Variants in GPC5 observed in about 807,000 individuals in gnomAD.
GPC5 encodes glypican 5.
A neutral mutation model predicts 53.9 loss-of-function variants in GPC5; 47 were observed. The ratio of observed to expected loss-of-function variants is 0.87; its 90% CI spans 0.69 to 1.11. The LOEUF (loss-of-function observed/expected upper bound fraction) is 1.11. GPC5 is among the 50% of genes most tolerant of loss of function. The pLI, the probability that GPC5 is intolerant of heterozygous loss-of-function variation, is 0.00. For missense variants in GPC5, 748 were observed against 713.1 expected, an observed-to-expected ratio of 1.05 and a Z score of -0.56; for synonymous variants, 286 against 263.3, an observed-to-expected ratio of 1.09 and a Z score of -0.84.
intron 7 of GPC5, among the ~76,000 whole-genome samples, chr13:92,402,609 G>A (rs972477337): frequency 8.5e-5 from 13 of 152,310 alleles, no homozygotes; most frequent in African/African-American, 3.1e-4. Flanking sequence ...ATCAGGCATG[G>A]AACATGCAGC....
intron 7 of GPC5, among the ~76,000 whole-genome samples, chr13:92,154,887 C>A (rs1264693184): frequency 6.6e-6 from 1 of 152,192 alleles, no homozygotes; most frequent in East Asian, 1.9e-4. Context: ...CTTTATTCCA[C>A]ATTAAATATA....
intron 7 of GPC5, among the ~76,000 whole-genome samples, chr13:92,188,567 G>C (rs16931): frequency 0.021 from 3,215 of 152,188 alleles, 47 homozygotes; most frequent in Middle Eastern, 0.044. Flanking sequence ...AGTAAGACCA[G>C]ATAAAAATAC....
chr13:91,597,058 A>C (rs1294553548), intron 2 of GPC5, among the ~76,000 whole-genome samples: 1 of 152,170 alleles, frequency 6.6e-6, no homozygotes, highest in Non-Finnish European at 1.5e-5. Flanking sequence ...TGCCCACTGC[A>C]AGGCCTGGAA....
chr13:92,728,304 A>G (rs1214475354), intron 7 of GPC5, among the ~76,000 whole-genome samples: 2 of 151,446 alleles, frequency 1.3e-5, no homozygotes, highest in African/African-American at 4.8e-5. Flanking sequence ...TAATGTGCTT[A>G]TATCTTGCTT....
chr13:92,453,741 G>C (rs911789621), intron 7 of GPC5, among the ~76,000 whole-genome samples: 1 of 152,148 alleles, frequency 6.6e-6, no homozygotes, highest in Non-Finnish European at 1.5e-5. Flanking sequence ...GCATCAGAAA[G>C]GATGGCAAGG....
At chr13:91,549,903 G>T (rs1211181551) in intron 2 of GPC5, among the ~76,000 whole-genome samples, 1 of 152,086 alleles carries the variant, frequency 6.6e-6, no homozygotes, top group African/African-American at 2.4e-5. Flanking sequence ...CATACTCCCT[G>T]CTTTTACCCA....
At chr13:92,723,470 T>G (rs1389537026) in intron 7 of GPC5, among the ~76,000 whole-genome samples, 1 of 150,712 alleles carries the variant, frequency 6.6e-6, no homozygotes, top group Admixed American at 6.7e-5. Context: ...ATGGCCATGT[T>G]TGACTTTAAC....
chr13:92,014,135 C>T (rs182734145), intron 6 of GPC5, among the ~76,000 whole-genome samples: 39 of 152,252 alleles, frequency 2.6e-4, no homozygotes, highest in African/African-American at 8.9e-4. Flanking sequence ...TTCTGACTTG[C>T]CTTTATCTAC....
chr13:91,708,064 G>C (rs1566626488), intron 3 of GPC5, among the ~76,000 whole-genome samples: 1 of 152,082 alleles, frequency 6.6e-6, no homozygotes, highest in Non-Finnish European at 1.5e-5. Flanking sequence ...GTATATAGCT[G>C]AGCAGACAGG....
rs944198713 is a variant in GPC5 at position 92,704,688 on chromosome 13, C to T, written c.1562-161594C>T. Reference sequence around the variant, plus strand: ...GGAAATCCACTTATGGAAGAATTTACCTATGCATTTTTTAATACTAAGAAG... The same window carrying T: ...GGAAATCCACTTATGGAAGAATTTATCTATGCATTTTTTAATACTAAGAAG... On this transcript the variant is annotated intron_variant, in intron 7 of 7. Transcript: ENST00000377067. 3.3e-5 allele frequency among the ~76,000 whole-genome samples: 5 copies of T among 151,666 alleles called. No homozygotes were observed. The South Asian group carries it at 6.2e-4, about 19-fold the overall frequency.
chr13:92,303,741 AATG>A (rs2043091225), intron 7 of GPC5, among the ~76,000 whole-genome samples: 2 of 152,340 alleles, frequency 1.3e-5, no homozygotes, highest in African/African-American at 2.4e-5. Context: ...TCAGAAAGCA[AATG>A]ATGAAGAAAT....
chr13:91,818,699 G>A (rs775781521), intron 5 of GPC5, among the ~76,000 whole-genome samples: 1 of 152,140 alleles, frequency 6.6e-6, no homozygotes, highest in Non-Finnish European at 1.5e-5. Context: ...AAACAAAACC[G>A]GGGAAGATGT....
intron 2 of GPC5, among the ~76,000 whole-genome samples, chr13:91,650,625 T>G (rs1294974991): frequency 1.3e-5 from 2 of 152,090 alleles, no homozygotes; most frequent in African/African-American, 4.8e-5. Flanking sequence ...TTTTCAACCT[T>G]TACTTAATTA....
intron 7 of GPC5, among the ~76,000 whole-genome samples, chr13:92,861,558 G>A (rs553391678): frequency 3.3e-5 from 5 of 152,106 alleles, no homozygotes; most frequent in Admixed American, 3.3e-4. Flanking sequence ...TTCTCTACAG[G>A]AACATTTGTA....
chr13:92,091,023 G>C (rs7992479), intron 6 of GPC5, among the ~76,000 whole-genome samples: 6 of 151,962 alleles, frequency 3.9e-5, no homozygotes, highest in Non-Finnish European at 8.8e-5. Context: ...CAGCTTTCAC[G>C]AGGGACTGAA....
At chr13:92,654,640 T>A (rs2139172065) in intron 7 of GPC5, among the ~76,000 whole-genome samples, 1 of 152,322 alleles carries the variant, frequency 6.6e-6, no homozygotes, top group African/African-American at 2.4e-5. Context: ...TTGTCACTTT[T>A]TTGTTGAAAT....
At chr13:92,595,353 C>G (rs558377817) in intron 7 of GPC5, among the ~76,000 whole-genome samples, 1 of 152,308 alleles carries the variant, frequency 6.6e-6, no homozygotes, top group African/African-American at 2.4e-5. Context: ...AACTTATGCA[C>G]AACTATATGA....
At chr13:92,803,066 C>T (rs942004334) in intron 7 of GPC5, among the ~76,000 whole-genome samples, 7 of 151,796 alleles carry the variant, frequency 4.6e-5, no homozygotes, top group African/African-American at 1.2e-4. Context: ...ATTTTAATTA[C>T]CTTAGGAAAA....
At chr13:91,770,042 A>G (rs1389337505) in intron 5 of GPC5, among the ~76,000 whole-genome samples, 1 of 152,162 alleles carries the variant, frequency 6.6e-6, no homozygotes, top group Non-Finnish European at 1.5e-5. Flanking sequence ...TTGGCTACAC[A>G]TTGGAGATTC....
Sources: allele counts gnomAD v4.1 joint callset (sites outside exome capture counted in the v4.1 genomes callset), GRCh38; gene constraint gnomAD v4.1.1; transcripts MANE v1.5; gene names NCBI Gene and HGNC (gene_info 2026-07-23, HGNC 2026-07-21).